The following ANK3 variants were observed in gnomAD, a reference collection of about 807,000 sequenced individuals.
The protein encoded by ANK3 is ankyrin 3, also known as ankyrin-3.
In ANK3, 57 loss-of-function variants were observed where a neutral mutation model predicts 370.9. The ratio of observed to expected loss-of-function variants is 0.15; its 90% CI spans 0.12 to 0.19. ANK3 has a LOEUF of 0.19. Among genes scored for constraint, ANK3 ranks in the 10% least tolerant of loss-of-function variants. ANK3 has a pLI of 1.00. For missense variants in ANK3, 4,439 were observed against 5,302.1 expected, an observed-to-expected ratio of 0.84 and a Z score of 5.06; for synonymous variants, 1,929 against 1,946.3, an observed-to-expected ratio of 0.99 and a Z score of 0.23.
chr10:60,253,953 A>G (rs988614671), intron 7 of ANK3, among the ~76,000 whole-genome samples: 1 of 152,148 alleles, frequency 6.6e-6, no homozygotes, highest in Admixed American at 6.5e-5. Context: ...GATTTATTGT[A>G]TTTTGTTTAA....
At chr10:60,585,939 G>T (rs1442521497) in intron 2 of ANK3, among the ~76,000 whole-genome samples, 2 of 152,042 alleles carry the variant, frequency 1.3e-5, no homozygotes, top group Non-Finnish European at 2.9e-5. Context: ...CAGGGGAATT[G>T]ATTGAACCCC....
Position 60,069,647 on chromosome 10 carries a change from A to G in ANK3, c.11234T>C (p.Ile3745Thr), listed in dbSNP as rs780561892. 1.2e-6 allele frequency: 2 copies of G among 1,614,032 alleles called. No homozygotes were observed. Among genetic ancestry groups the G allele is most frequent in the Non-Finnish European group, 1.7e-6 (2 of 1,179,978 alleles). The change falls in exon 37 of 44, where the codon ATA (isoleucine) becomes ACA (threonine). Residue 3745 changes from isoleucine (I) to threonine (T), a missense_variant. Ile to Thr is a moderately conservative substitution (Grantham distance 89, BLOSUM62 -1). This residue lies in a region of ANK3 where 496 missense variants were observed against 529.3 expected (regional missense o/e 0.94). Coordinates refer to ENST00000280772, the MANE Select transcript of ANK3 (RefSeq NM_020987.5). ...KEGPGEITDK[I>T]EAVMTSCQGL... is the part of the protein sequence containing the mutation. Reference sequence around the variant, plus strand: ...CTGACAACTGGTCATCACCGCTTCTATCTTATCTGTTATTTCTCCAGGGCC... The same window carrying G: ...CTGACAACTGGTCATCACCGCTTCTGTCTTATCTGTTATTTCTCCAGGGCC...
chr10:60,027,549 T>G lies in ANK3; in HGVS notation c.*2297A>C, dbSNP rs2072465587. The G allele has an allele frequency of 6.6e-6, 1 of 152,154 alleles. No homozygotes were observed. The highest frequency in any genetic ancestry group is 1.5e-5 in the Non-Finnish European group (1 of 68,018). The allele number at this position is 152,154 out of a possible 1,614,324, so 9.4% of individuals were successfully genotyped here. On this transcript the variant is annotated 3_prime_UTR_variant, in exon 44 of 44. Transcript: ENST00000280772. ...ATATATAACATTGCTGAAAGTCTCTTAGCACTAATTTAATTTTATAAAAGG... is the reference window on the plus strand; with the variant it reads ...ATATATAACATTGCTGAAAGTCTCTGAGCACTAATTTAATTTTATAAAAGG...
chr10:60,414,875 G>A (rs142143393), intron 2 of ANK3, among the ~76,000 whole-genome samples: 7 of 152,208 alleles, frequency 4.6e-5, no homozygotes, highest in Non-Finnish European at 1.0e-4. Flanking sequence ...GAAAGGCTGA[G>A]AGGAGGCACT....
intron 25 of ANK3, among the ~76,000 whole-genome samples, chr10:60,131,653 G>A (rs948663929): frequency 3.9e-5 from 6 of 152,278 alleles, no homozygotes; most frequent in Admixed American, 3.9e-4. Context: ...TCTTGGTAAT[G>A]GTTAATAGGC....
intron 7 of ANK3, among the ~76,000 whole-genome samples, chr10:60,251,839 G>T (rs1182554267): frequency 1.3e-5 from 2 of 152,158 alleles, no homozygotes; most frequent in African/African-American, 2.4e-5. Flanking sequence ...CTACCTGCAG[G>T]ATCAAGGCCA....
intron 2 of ANK3, among the ~76,000 whole-genome samples, chr10:60,484,846 T>C (rs938527322): frequency 3.3e-5 from 5 of 152,164 alleles, no homozygotes; most frequent in African/African-American, 4.8e-5. Context: ...TTAAGATGAA[T>C]CCAATGTTAC....
chr10:60,369,154 T>C (rs2059786624), intron 1 of ANK3, among the ~76,000 whole-genome samples: 1 of 152,194 alleles, frequency 6.6e-6, no homozygotes, highest in Non-Finnish European at 1.5e-5. Context: ...CAGAGTTCCT[T>C]TCAGAATTTT....
At chr10:60,089,353 G>A (rs1004512540) in intron 28 of ANK3, among the ~76,000 whole-genome samples, 2 of 152,058 alleles carry the variant, frequency 1.3e-5, no homozygotes, top group Admixed American at 6.6e-5. Flanking sequence ...TCTTTTGGAC[G>A]TGGCTCACCC....
At chr10:60,117,833 C>A (rs1007087667) in intron 25 of ANK3, among the ~76,000 whole-genome samples, 1 of 151,962 alleles carries the variant, frequency 6.6e-6, no homozygotes, top group Admixed American at 6.6e-5. Context: ...AAAGAAAAAG[C>A]AATCATAATA....
At chr10:60,168,012 T>C (rs2095669449) in intron 21 of ANK3, among the ~76,000 whole-genome samples, 1 of 152,144 alleles carries the variant, frequency 6.6e-6, no homozygotes, top group African/African-American at 2.4e-5. Flanking sequence ...CCCTTATTAT[T>C]AAAATCTTCA....
intron 1 of ANK3, among the ~76,000 whole-genome samples, chr10:60,293,992 C>T (rs750064814): frequency 6.6e-6 from 1 of 152,138 alleles, no homozygotes; most frequent in East Asian, 1.9e-4. Flanking sequence ...GGCCTTCATG[C>T]TTAAGGATCC....
chr10:60,472,017 G>A (rs930549842), intron 2 of ANK3, among the ~76,000 whole-genome samples: 3 of 152,044 alleles, frequency 2.0e-5, no homozygotes, highest in Non-Finnish European at 2.9e-5. Flanking sequence ...AATTTATTTC[G>A]GGGAAATTTA....
chr10:60,086,707 G>A lies in ANK3; in HGVS notation c.3718C>T (p.Pro1240Ser). The A allele has an allele frequency of 6.2e-7, 1 of 1,613,942 alleles. No homozygotes were observed. The highest frequency in any genetic ancestry group is 1.3e-5 in the African/African-American group (1 of 75,008). ...VSNGYKGDTT[P>S]NLRLLCSITG... ...ATGCTACAGAGAAGACGCAGATTGG[G>A]TGTAGTGTCCCCTTTGTATCCATTG... Residue 1240 changes from proline to serine, a missense_variant, in exon 30 of 44, where the codon CCC becomes TCC. Coordinates refer to ENST00000280772, the MANE Select transcript of ANK3 (RefSeq NM_020987.5).
intron 1 of ANK3, among the ~76,000 whole-genome samples, chr10:60,632,598 A>T (rs889088564): frequency 2.0e-5 from 3 of 151,856 alleles, no homozygotes; most frequent in Admixed American, 6.6e-5. Context: ...ATTTTTTTTT[A>T]AAAATTAGCT....
At chr10:60,199,717 T>A (rs1266387941) in intron 13 of ANK3, among the ~76,000 whole-genome samples, 2 of 152,060 alleles carry the variant, frequency 1.3e-5, no homozygotes, top group African/African-American at 4.8e-5. Context: ...AAATCCCCCA[T>A]TTTCCTTTTG....
chr10:60,072,976 T>C lies in ANK3; in HGVS notation c.7905A>G (p.Leu2635=), dbSNP rs757932579. The change falls in exon 37 of 44, where the codon CTA becomes CTG. Residue 2635 remains leucine (L), a synonymous_variant. Coordinates refer to ENST00000280772, the MANE Select transcript of ANK3 (RefSeq NM_020987.5). ...CATTGGATGCCAGCAGTTCTGTCAG[T>C]AGCACTTTCTCAGGGCTGCTACTGG... ...SPTSSSPEKV[L]LTELLASNDE... is the part of the protein sequence containing the mutation. The C allele has an allele frequency of 3.1e-6, 5 of 1,614,128 alleles. No homozygotes were observed. The highest frequency in any genetic ancestry group is 4.2e-6 in the Non-Finnish European group (5 of 1,179,996).
At chr10:60,435,872 G>A (rs557645381) in intron 2 of ANK3, among the ~76,000 whole-genome samples, 2 of 152,284 alleles carry the variant, frequency 1.3e-5, no homozygotes, top group South Asian at 4.1e-4. Context: ...GGCCGAGGCG[G>A]GCGGATCACG....
chr10:60,430,232 A>C (rs1305830737), intron 2 of ANK3, among the ~76,000 whole-genome samples: 1 of 152,250 alleles, frequency 6.6e-6, no homozygotes, highest in Non-Finnish European at 1.5e-5. Context: ...GAATGCCAAG[A>C]AAATCAAAGA....
Sources: gnomAD v4.1 joint callset for allele counts (sites outside exome capture counted in the v4.1 genomes callset) on GRCh38, gnomAD v4.1.1 for gene constraint, gnomAD v4.1.1 regional missense constraint, MANE v1.5 for transcripts, NCBI Gene and HGNC (gene_info 2026-07-23, HGNC 2026-07-21) for gene names.